RIMBP2: variants seen among roughly 807,000 people sequenced by gnomAD.
The protein encoded by RIMBP2 is RIMS binding protein 2.
A neutral mutation model predicts 118.6 loss-of-function variants in RIMBP2; 48 were observed. The observed-to-expected ratio is 0.40, with a 90% CI of 0.32 to 0.51. RIMBP2 has a LOEUF of 0.51. RIMBP2 is among the 20% of genes least tolerant of loss of function. The probability of loss-of-function intolerance (pLI) is 0.41; values close to 1 mark genes in which losing one functional copy is unlikely to be tolerated. For synonymous variants in RIMBP2, 762 were observed against 742.9 expected, an observed-to-expected ratio of 1.03 and a Z score of -0.42; for missense variants, 1,551 against 1,768.3, an observed-to-expected ratio of 0.88 and a Z score of 2.20.
At chr12:130,702,546 AAGAAG>A (rs1400019674) in intron 1 of RIMBP2, among the ~76,000 whole-genome samples, 2 of 141,496 alleles carry the variant, frequency 1.4e-5, no homozygotes, top group African/African-American at 5.4e-5. Flanking sequence ...AAAAACAAGA[AAGAAG>A]GAAGGAAGGA....
rs386378267 is a variant in RIMBP2 at position 130,571,416 on chromosome 12, A to ACATTT, written c.-216-53500_-216-53499insAAATG. Among the ~76,000 whole-genome samples the ACATTT allele has an allele frequency of 1.1e-4, 11 of 104,298 alleles. 3 individuals carry two copies. The highest frequency in any genetic ancestry group is 6.3e-5 in the Non-Finnish European group (3 of 47,254). 68.4% of individuals were successfully genotyped at this position (104,298 alleles called of 152,430 possible). On this transcript the variant is annotated intron_variant, in intron 2 of 22. Coordinates refer to ENST00000690449, the MANE Select transcript of RIMBP2 (RefSeq NM_001393629.1). ...GTGTGCTACTGCTACCCATAGTAAC[A>ACATTT]TTTTTTTTTTTTTTTTTTTTGGAGA...
chr12:130,435,452 T>C (rs1220413052), intron 13 of RIMBP2, among the ~76,000 whole-genome samples: 1 of 152,236 alleles, frequency 6.6e-6, no homozygotes, highest in Non-Finnish European at 1.5e-5. Flanking sequence ...CACATTTGTC[T>C]GAAACATAGG....
chr12:130,665,831 G>A (rs2063893239), intron 1 of RIMBP2, among the ~76,000 whole-genome samples: 1 of 152,156 alleles, frequency 6.6e-6, no homozygotes. Context: ...CGATACTGCA[G>A]CCATGTTACA....
chr12:130,618,035 A>AAAAAAAAG (rs2061061860), intron 2 of RIMBP2, among the ~76,000 whole-genome samples: 1 of 143,162 alleles, frequency 7.0e-6, no homozygotes, highest in Admixed American at 7.0e-5. Context: ...AAAAAAAAAA[A>AAAAAAAAG]GTAAAAAAGG....
At chr12:130,414,382 G>A in intron 17 of RIMBP2, 76 bp from the exon 18 acceptor site, 2 of 1,424,262 alleles carry the variant, frequency 1.4e-6, no homozygotes, top group South Asian at 1.4e-5. Context: ...TGCAGCTTTG[G>A]AAAGCAGTGA....
At chr12:130,498,080 C>T (rs549567251) in intron 4 of RIMBP2, among the ~76,000 whole-genome samples, 22 of 152,344 alleles carry the variant, frequency 1.4e-4, no homozygotes, top group Non-Finnish European at 2.8e-4. Context: ...CACCCTGACT[C>T]CAGGCCTCCT....
chr12:130,566,363 T>C (rs1032739310), intron 2 of RIMBP2, among the ~76,000 whole-genome samples: 1 of 152,238 alleles, frequency 6.6e-6, no homozygotes, highest in Non-Finnish European at 1.5e-5. Flanking sequence ...TGATGCTCTA[T>C]CTTTAAGGAG....
intron 13 of RIMBP2, among the ~76,000 whole-genome samples, chr12:130,436,338 T>A (rs926973796): frequency 1.3e-5 from 2 of 152,120 alleles, no homozygotes; most frequent in African/African-American, 4.8e-5. Flanking sequence ...TACACATAGG[T>A]ACAGATGTAT....
At chr12:130,485,143 G>A (rs1255034169) in intron 4 of RIMBP2, among the ~76,000 whole-genome samples, 1 of 152,236 alleles carries the variant, frequency 6.6e-6, no homozygotes, top group African/African-American at 2.4e-5. Context: ...GAGGCAACCA[G>A]GGCTGCACCA....
chr12:130,428,083 G>A, intron 15 of RIMBP2, 96 bp downstream of exon 15: 1 of 1,205,938 alleles, frequency 8.3e-7, no homozygotes, highest in Non-Finnish European at 1.1e-6. Context: ...GTAGGGCAAG[G>A]CCCCTCTGGA....
chr12:130,438,336 C>CCA, intron 12 of RIMBP2, 29 bp downstream of exon 12: 2 of 844,142 alleles, frequency 2.4e-6, no homozygotes, highest in Non-Finnish European at 3.9e-6. Context: ...GCCTAACAAA[C>CCA]CCTCCCCACC....
intron 13 of RIMBP2, 133 bp downstream of exon 13, chr12:130,436,709 G>C: frequency 1.7e-6 from 1 of 599,316 alleles, no homozygotes; most frequent in Non-Finnish European, 2.5e-6. Flanking sequence ...CCAGCAAAGC[G>C]GTGGGCTGAG....
chr12:130,497,693 G>A (rs182233023), intron 4 of RIMBP2, among the ~76,000 whole-genome samples: 224 of 152,290 alleles, frequency 1.5e-3, no homozygotes, highest in African/African-American at 5.2e-3. Flanking sequence ...TTTTTGCAGT[G>A]AGTAAAAAAG....
chr12:130,702,399 C>T (rs2065895966), intron 1 of RIMBP2, among the ~76,000 whole-genome samples: 1 of 152,026 alleles, frequency 6.6e-6, no homozygotes, highest in Non-Finnish European at 1.5e-5. Context: ...GCCCGTAATC[C>T]CAGCTACTTG....
At chr12:130,457,366 C>T (rs994794474) in intron 6 of RIMBP2, among the ~76,000 whole-genome samples, 4 of 152,218 alleles carry the variant, frequency 2.6e-5, no homozygotes, top group East Asian at 1.9e-4. Flanking sequence ...GGGACACGCA[C>T]AGGAAAGGGG....
chr12:130,684,044 A>G (rs1218526762), intron 1 of RIMBP2, among the ~76,000 whole-genome samples: 1 of 152,036 alleles, frequency 6.6e-6, no homozygotes, highest in Non-Finnish European at 1.5e-5. Flanking sequence ...AAGTCTGATA[A>G]GAAACATTTA....
chr12:130,433,481 A>G (rs1305955326), intron 14 of RIMBP2, among the ~76,000 whole-genome samples: 1 of 152,182 alleles, frequency 6.6e-6, no homozygotes, highest in Non-Finnish European at 1.5e-5. Flanking sequence ...CACCCTCAGC[A>G]CATGCCAGAG....
At chr12:130,693,784 G>T (rs1222272057) in intron 1 of RIMBP2, among the ~76,000 whole-genome samples, 1 of 152,182 alleles carries the variant, frequency 6.6e-6, no homozygotes, top group Non-Finnish European at 1.5e-5. Flanking sequence ...TTCCCAAGAA[G>T]GCCCTTTAAT....
At chr12:130,538,773 A>G (rs10773791) in intron 2 of RIMBP2, among the ~76,000 whole-genome samples, 84,531 of 151,936 alleles carry the variant, frequency 0.56, 23,527 homozygotes, top group East Asian at 0.67. Context: ...CCGACTTCAC[A>G]TGCTCTCCCA....
Sources: gnomAD v4.1 joint callset for allele counts (sites outside exome capture counted in the v4.1 genomes callset) on GRCh38, gnomAD v4.1.1 for gene constraint, MANE v1.5 for transcripts, NCBI Gene and HGNC (gene_info 2026-07-23, HGNC 2026-07-21) for gene names.